The following GRIA1 variants were observed in gnomAD, a reference collection of about 807,000 sequenced individuals.
GRIA1 encodes the protein glutamate ionotropic receptor AMPA type subunit 1, also known as glutamate receptor 1.
GRIA1 carries 31 observed loss-of-function variants against 99.2 expected under a neutral mutation model. The observed-to-expected ratio is 0.31, with a 90% CI of 0.23 to 0.42. The LOEUF (loss-of-function observed/expected upper bound fraction) is 0.42. Among genes scored for constraint, GRIA1 ranks in the 10% least tolerant of loss-of-function variants. The pLI, the probability that GRIA1 is intolerant of heterozygous loss-of-function variation, is 1.00. For missense variants in GRIA1, 782 were observed against 1,157.5 expected (o/e 0.68, Z 4.71); for synonymous variants, 438 against 432.4 (o/e 1.01, Z -0.16).
intron 14 of GRIA1, chr5:153,795,489 C>T: frequency 6.2e-7 from 1 of 1,605,604 alleles, no homozygotes; most frequent in South Asian, 1.1e-5. Context: ...TCCCGTAAAC[C>T]TAGCGGTTTT....
At chr5:153,632,890 A>T (rs1427876427) in intron 2 of GRIA1, among the ~76,000 whole-genome samples, 1 of 152,250 alleles carries the variant, frequency 6.6e-6, no homozygotes, top group African/African-American at 2.4e-5. Context: ...AGGAGGAAGA[A>T]ATGAATTTTT....
At chr5:153,727,637 T>C (rs977925275) in intron 11 of GRIA1, among the ~76,000 whole-genome samples, 5 of 152,150 alleles carry the variant, frequency 3.3e-5, no homozygotes, top group African/African-American at 9.7e-5. Context: ...CCATTCACAA[T>C]TGCTTCAAAG....
At chr5:153,590,302 T>C (rs558109801) in intron 2 of GRIA1, among the ~76,000 whole-genome samples, 2 of 152,202 alleles carry the variant, frequency 1.3e-5, no homozygotes, top group Admixed American at 6.5e-5. Context: ...TTATACCAAG[T>C]TCACAAAACA....
At chr5:153,645,113 C>A (rs1361429303) in intron 2 of GRIA1, among the ~76,000 whole-genome samples, 1 of 152,100 alleles carries the variant, frequency 6.6e-6, no homozygotes, top group African/African-American at 2.4e-5. Context: ...GATTTTGTCA[C>A]TGAAAACCAA....
chr5:153,768,703 C>A (rs1221601393), intron 12 of GRIA1, among the ~76,000 whole-genome samples: 1 of 151,980 alleles, frequency 6.6e-6, no homozygotes, highest in East Asian at 1.9e-4. Flanking sequence ...AAACCTGATA[C>A]TTGTATACAG....
intron 14 of GRIA1, among the ~76,000 whole-genome samples, chr5:153,799,152 A>AG (rs1318166233): frequency 1.3e-5 from 2 of 152,044 alleles, no homozygotes; most frequent in African/African-American, 4.8e-5. Flanking sequence ...GGGTACCCTG[A>AG]GGGGTGCTCA....
intron 6 of GRIA1, among the ~76,000 whole-genome samples, chr5:153,676,005 C>T (rs902711498): frequency 6.6e-5 from 10 of 151,834 alleles, no homozygotes; most frequent in Admixed American, 2.6e-4. Flanking sequence ...TACAGGCACC[C>T]GCCACCACGC....
chr5:153,529,448 C>T (rs1757900554), intron 2 of GRIA1, among the ~76,000 whole-genome samples: 2 of 152,178 alleles, frequency 1.3e-5, no homozygotes, highest in African/African-American at 2.4e-5. Flanking sequence ...GGGACCTCAA[C>T]CCAGTCTCAA....
At chr5:153,716,585 G>T (rs1759683533) in intron 11 of GRIA1, among the ~76,000 whole-genome samples, 1 of 152,292 alleles carries the variant, frequency 6.6e-6, no homozygotes, top group African/African-American at 2.4e-5. Context: ...CCCCCACCAA[G>T]ATCAGGTGCA....
At chr5:153,502,765 G>A (rs1469027544) in intron 2 of GRIA1, among the ~76,000 whole-genome samples, 3 of 152,250 alleles carry the variant, frequency 2.0e-5, no homozygotes, top group East Asian at 1.9e-4. Context: ...ATGGTTAGGC[G>A]TGTTTCCATG....
chr5:153,513,076 GA>G (rs1756260538), intron 2 of GRIA1, among the ~76,000 whole-genome samples: 1 of 152,106 alleles, frequency 6.6e-6, no homozygotes, highest in African/African-American at 2.4e-5. Flanking sequence ...CCAGAACTGT[GA>G]AAAAAGAAAT....
intron 2 of GRIA1, among the ~76,000 whole-genome samples, chr5:153,522,427 G>A (rs1340290295): frequency 3.3e-5 from 5 of 152,168 alleles, no homozygotes; most frequent in African/African-American, 7.2e-5. Context: ...TGGTCTGACC[G>A]TAGAGCTCAT....
chr5:153,504,862 A>G lies in GRIA1; in HGVS notation c.220+10797A>G, dbSNP rs75390196. 2.6e-3 allele frequency among the ~76,000 whole-genome samples: 395 copies of G among 152,274 alleles called. 7 individuals carry two copies. The East Asian group carries it at 0.052, about 20-fold the overall frequency. ...CCAATACTCTGTCCCAGTGACCAGG[A>G]CATTTCCTGCTCTACTCAAACACTC... On this transcript the variant is annotated intron_variant, in intron 2 of 15. Transcript: ENST00000285900.
At chr5:153,532,340 T>A (rs1758167577) in intron 2 of GRIA1, among the ~76,000 whole-genome samples, 1 of 152,158 alleles carries the variant, frequency 6.6e-6, no homozygotes, top group Admixed American at 6.5e-5. Flanking sequence ...TGTTTAAGCA[T>A]TCTCATAGAC....
At chr5:153,675,401 C>T (rs1280593057) in intron 6 of GRIA1, among the ~76,000 whole-genome samples, 1 of 152,236 alleles carries the variant, frequency 6.6e-6, no homozygotes, top group African/African-American at 2.4e-5. Context: ...CTGCTTCTCA[C>T]TTCCCAGCAA....
In GRIA1 at chr5:153,604,517, A is replaced by T. The variant is rs575850285; in HGVS notation, c.221-42411A>T. ...CTATATAGCACACTGTTTTATCACA[A>T]AGGTAACACTCAGCCAAGTCAAGAA... On this transcript the variant is annotated intron_variant, in intron 2 of 15. Transcript: ENST00000285900. 1.3e-4 allele frequency among the ~76,000 whole-genome samples: 20 copies of T among 152,270 alleles called. No homozygotes were observed. The East Asian group carries it at 3.7e-3, about 28-fold the overall frequency.
At chr5:153,740,618 C>A (rs983002921) in intron 11 of GRIA1, among the ~76,000 whole-genome samples, 2 of 152,202 alleles carry the variant, frequency 1.3e-5, no homozygotes, top group Non-Finnish European at 2.9e-5. Flanking sequence ...GGGAGAGGAA[C>A]TTGTGGTTGT....
At chr5:153,533,609 A>G (rs1758284901) in intron 2 of GRIA1, among the ~76,000 whole-genome samples, 1 of 152,096 alleles carries the variant, frequency 6.6e-6, no homozygotes, top group Admixed American at 6.6e-5. Flanking sequence ...GTTGTGAAAG[A>G]AGGTGATGGA....
chr5:153,573,273 G>T (rs1456606264), intron 2 of GRIA1: 1 of 152,152 alleles, frequency 6.6e-6, no homozygotes, highest in Admixed American at 6.6e-5. Flanking sequence ...CATTTACAAG[G>T]TGAGGAGAAA....
Sources: gnomAD v4.1 joint callset for allele counts (sites outside exome capture counted in the v4.1 genomes callset) on GRCh38, gnomAD v4.1.1 for gene constraint, MANE v1.5 for transcripts, NCBI Gene and HGNC (gene_info 2026-07-23, HGNC 2026-07-21) for gene names.